The following THSD4 variants were observed in gnomAD, a reference collection of about 807,000 sequenced individuals.
THSD4 encodes the protein thrombospondin type-1 domain-containing protein 4.
A neutral mutation model predicts 119.0 loss-of-function variants in THSD4; 69 were observed. The observed-to-expected ratio is 0.58, with a 90% CI of 0.48 to 0.71. The LOEUF (loss-of-function observed/expected upper bound fraction) is 0.71, where lower values mean the gene tolerates loss of function less well. Ranked by LOEUF, THSD4 falls within the 30% of genes least tolerant of loss-of-function variation. THSD4 has a pLI of 0.00. For synonymous variants in THSD4, 524 were observed against 540.4 expected (o/e 0.97, Z 0.42); for missense variants, 1,393 against 1,391.1 (o/e 1.00, Z -0.02).
chr15:71,279,166 A>G (rs147516073), intron 6 of THSD4, among the ~76,000 whole-genome samples: 72 of 152,332 alleles, frequency 4.7e-4, no homozygotes, highest in African/African-American at 1.7e-3. Context: ...GGACTCTTAC[A>G]TTCCAGTCAA....
intron 7 of THSD4, among the ~76,000 whole-genome samples, chr15:71,438,548 TG>T (rs1288791491): frequency 1.3e-5 from 2 of 152,220 alleles, no homozygotes; most frequent in Non-Finnish European, 2.9e-5. Flanking sequence ...GTGTGAGGTA[TG>T]GGTTCAATTT....
rs2040287382 is a variant in THSD4 at position 71,109,211 on chromosome 15, C to A, written c.-80+12205C>A. 2.0e-5 allele frequency among the ~76,000 whole-genome samples: 3 copies of A among 152,230 alleles called. No individual in the cohort carries two copies. The South Asian group carries it at 6.2e-4, about 32-fold the overall frequency. On this transcript the variant is annotated intron_variant, in intron 1 of 17. Transcript: ENST00000355327. ...CACTCAGGTGTTCTCTCATCCTACCCAAGTCAACAAACAGCAGCTCTATCA... is the reference window on the plus strand; with the variant it reads ...CACTCAGGTGTTCTCTCATCCTACCAAAGTCAACAAACAGCAGCTCTATCA...
At chr15:71,655,554 C>G (rs891297781) in intron 7 of THSD4, among the ~76,000 whole-genome samples, 1 of 152,070 alleles carries the variant, frequency 6.6e-6, no homozygotes. Flanking sequence ...GAGAAGCCAC[C>G]ATATTGCAGA....
In THSD4 at chr15:71,738,106, G is replaced by A. The variant is rs749899368; in HGVS notation, c.1906+99G>A. 3 of 1,475,738 alleles carry A rather than the reference G, an allele frequency of 2.0e-6. No individual in the cohort carries two copies. The South Asian group carries it at 4.0e-5, about 20-fold the overall frequency. 91.4% of individuals were successfully genotyped at this position (1,475,738 alleles called of 1,614,324 possible). The stretch of plus-strand genomic sequence containing the variant: ...GGTCCCCGGCTTTTTTGGCACCAGG[G>A]ACTGGTTTCGTGGAAGACGATTTCT... On this transcript the variant is annotated intron_variant, in intron 11 of 17. Transcript: ENST00000261862.
intron 1 of THSD4, among the ~76,000 whole-genome samples, chr15:71,116,199 T>A (rs914654806): frequency 6.6e-6 from 1 of 152,160 alleles, no homozygotes; most frequent in African/African-American, 2.4e-5. Context: ...TCTGTGTGTC[T>A]GTCTGTCTCA....
At chr15:71,516,966 TG>T (rs538917899) in intron 7 of THSD4, among the ~76,000 whole-genome samples, 31 of 152,238 alleles carry the variant, frequency 2.0e-4, no homozygotes, top group Non-Finnish European at 4.4e-4. Context: ...GCTTAACGGC[TG>T]CCATATTGGG....
At position 71,153,215 on chromosome 15, in the gene THSD4, C is replaced by T. The variant is rs570523254; in HGVS notation, c.30-1648C>T. 3.3e-5 allele frequency among the ~76,000 whole-genome samples: 5 copies of T among 152,218 alleles called. No homozygotes were observed. The South Asian group carries it at 1.0e-3, about 32-fold the overall frequency. ...GGGGGAGAGTTCCTACTTTTCCTTC[C>T]CCATAGGGGAGTGGAGGGGCTGTAT... On this transcript the variant is annotated intron_variant, in intron 2 of 17. Transcript: ENST00000261862.
In THSD4 at chr15:71,477,468, C is replaced by T. The variant is rs185115905; in HGVS notation, c.1152+65645C>T. Among the ~76,000 whole-genome samples the T allele has an allele frequency of 3.0e-4, 45 of 152,230 alleles. No homozygotes were observed. The East Asian group carries it at 5.8e-3, about 20-fold the overall frequency. ...CTCTTGTGCCTGGAAGATGAAAGGA[C>T]GGGCGGACAGCAAGAGACATTTGAA... On this transcript the variant is annotated intron_variant, in intron 7 of 17. Coordinates refer to ENST00000261862, the MANE Select transcript of THSD4 (RefSeq NM_024817.3).
At chr15:71,168,255 T>C (rs2043314675) in intron 3 of THSD4, among the ~76,000 whole-genome samples, 3 of 152,306 alleles carry the variant, frequency 2.0e-5, no homozygotes, top group African/African-American at 7.2e-5. Context: ...GTAGAATGCT[T>C]TAAAATTAAT....
intron 5 of THSD4, among the ~76,000 whole-genome samples, chr15:71,252,887 C>G (rs949602411): frequency 6.6e-6 from 1 of 152,162 alleles, no homozygotes; most frequent in Non-Finnish European, 1.5e-5. Context: ...TCATCATCAT[C>G]ATCATCATCA....
intron 4 of THSD4, among the ~76,000 whole-genome samples, chr15:71,229,803 C>T (rs2044046246): frequency 6.6e-6 from 1 of 152,180 alleles, no homozygotes; most frequent in Non-Finnish European, 1.5e-5. Context: ...AAAGCTATGC[C>T]TCTTCTTATT....
At chr15:71,408,193 T>TC (rs35438364) in intron 6 of THSD4, among the ~76,000 whole-genome samples, 5 of 151,864 alleles carry the variant, frequency 3.3e-5, no homozygotes, top group Non-Finnish European at 5.9e-5. Context: ...AAAGTGAATA[T>TC]CCATGCAAAA....
rs953045714 is a variant in THSD4 at position 71,778,431 on chromosome 15, G to C, written c.*1057G>C. ...CCGTTCCAAGTGCTGTTCCTCCCAG[G>C]AAATCAAAGGCCAGGGTCCTTATGG... On this transcript the variant is annotated 3_prime_UTR_variant, in exon 18 of 18. Coordinates refer to ENST00000261862, the MANE Select transcript of THSD4 (RefSeq NM_024817.3). The C allele has an allele frequency of 6.6e-6, 1 of 152,342 alleles. No individual in the cohort carries two copies. The highest frequency in any genetic ancestry group is 1.5e-5 in the Non-Finnish European group (1 of 68,180). 9.4% of individuals were successfully genotyped at this position (152,342 alleles called of 1,614,324 possible).
At position 71,776,008 on chromosome 15, in the gene THSD4, A is replaced by G. The variant is rs28496444; in HGVS notation, c.2915-1224A>G. ...GACAATTGTTTATCCATATACAAGG[A>G]AAAAAACAAGAAAACTGAACTCCCT... On this transcript the variant is annotated intron_variant, in intron 17 of 17. Transcript: ENST00000261862. Among the ~76,000 whole-genome samples, 842 of 152,306 alleles carry G rather than the reference A, an allele frequency of 5.5e-3. 6 individuals are homozygous for G. Among genetic ancestry groups the G allele is most frequent in the African/African-American group, 0.019 (795 of 41,566 alleles).
At position 71,442,660 on chromosome 15, in the gene THSD4, GTATATATATATATATATATATATATATA is replaced by G. The variant is rs71154772; in HGVS notation, c.1152+30853_1152+30880del. Among the ~76,000 whole-genome samples the G allele has an allele frequency of 1.5e-4, 4 of 25,818 alleles. 1 individual carries two copies. Among genetic ancestry groups the G allele is most frequent in the African/African-American group, 4.3e-4 (4 of 9,260 alleles). 16.9% of individuals were successfully genotyped at this position (25,818 alleles called of 152,430 possible). A position where few individuals can be genotyped will look rare whatever the true frequency, so the allele number is the denominator to read the frequency against. ...TGTGTGTATATGTGTGTGTGTGTGT[GTATATATATATATATATATATATATATA>G]TATATATATATATATGAAGGGAGGA... On this transcript the variant is annotated intron_variant, in intron 7 of 17. Transcript: ENST00000261862.
chr15:71,561,565 A>C (rs73443864), intron 7 of THSD4, among the ~76,000 whole-genome samples: 2 of 152,082 alleles, frequency 1.3e-5, no homozygotes, highest in African/African-American at 4.8e-5. Context: ...CATGAGAATA[A>C]AAAGACAAAC....
At chr15:71,489,827 T>A (rs898323377) in intron 7 of THSD4, among the ~76,000 whole-genome samples, 11 of 188 alleles carry the variant, frequency 0.059, no homozygotes, top group East Asian at 0.5. Flanking sequence ...TTTTAAACAT[T>A]TTTTTTTTTC....
At chr15:71,253,696 C>T (rs1287774195) in intron 5 of THSD4, among the ~76,000 whole-genome samples, 1 of 152,204 alleles carries the variant, frequency 6.6e-6, no homozygotes, top group Admixed American at 6.5e-5. Flanking sequence ...CCGTGAGCCA[C>T]TGCATCTGGC....
At chr15:71,643,856 A>T (rs1350876890) in intron 7 of THSD4, among the ~76,000 whole-genome samples, 1 of 152,208 alleles carries the variant, frequency 6.6e-6, no homozygotes, top group Non-Finnish European at 1.5e-5. Context: ...GAAATTACAG[A>T]CAGTCTCTTT....
Sources: gnomAD v4.1 joint callset for allele counts (sites outside exome capture counted in the v4.1 genomes callset) on GRCh38, gnomAD v4.1.1 for gene constraint, MANE v1.5 for transcripts, NCBI Gene and HGNC (gene_info 2026-07-23, HGNC 2026-07-21) for gene names.